The following CNKSR1 variants were observed in gnomAD, a reference collection of about 807,000 sequenced individuals.
CNKSR1 encodes the protein CNK homolog protein 1.
A neutral mutation model predicts 95.6 loss-of-function variants in CNKSR1; 88 were observed. The observed-to-expected ratio is 0.92, with a 90% CI of 0.78 to 1.10. The LOEUF (loss-of-function observed/expected upper bound fraction) is 1.10, where lower values mean the gene tolerates loss of function less well. Among genes scored for constraint, CNKSR1 ranks in the 50% least tolerant of loss-of-function variants. The pLI, the probability that CNKSR1 is intolerant of heterozygous loss-of-function variation, is 0.00. For synonymous variants in CNKSR1, 355 were observed against 369.7 expected (o/e 0.96, Z 0.46); for missense variants, 836 against 912.0 (o/e 0.92, Z 1.07).
chr1:26,188,196 T>C, intron 16 of CNKSR1, 38 bp from the exon 17 acceptor site: 2 of 1,587,738 alleles, frequency 1.3e-6, no homozygotes, highest in Admixed American at 1.7e-5. Context: ...AGGGCCCCAG[T>C]GGATGGAAAC....
chr1:26,183,970 C>A (rs545031351), intron 9 of CNKSR1, 101 bp from the exon 10 acceptor site: 23 of 663,736 alleles, frequency 3.5e-5, no homozygotes, highest in Non-Finnish European at 4.1e-5. Flanking sequence ...CCCTTCAGAC[C>A]CCCCCACAGG....
In CNKSR1 at chr1:26,183,806, C is replaced by T. The variant is rs2088688576; in HGVS notation, c.831C>T (p.Ile277=). Residue 277 remains isoleucine (I), a synonymous_variant, in exon 9 of 21, where the codon ATC becomes ATT. Transcript: ENST00000361530. ...GACTCAGCTTAGTGCTGAAGAAGAT[C>T]CCGATACCGGAGACCCCCCCACAGG... is the stretch of plus-strand genomic sequence containing the variant. ...PAGLSLVLKK[I]PIPETPPQTP... The T allele has an allele frequency of 6.2e-7, 1 of 1,612,118 alleles. No individual in the cohort carries two copies. Among genetic ancestry groups the T allele is most frequent in the Non-Finnish European group, 8.5e-7 (1 of 1,178,790 alleles).
In CNKSR1 at chr1:26,183,330, C is replaced by G. The variant is rs756889876; in HGVS notation, c.685-16C>G. On this transcript the variant is annotated splice_polypyrimidine_tract_variant and intron_variant, in intron 7 of 20. Transcript: ENST00000361530. Reference sequence around the variant, plus strand: ...CTGCAAGCCAGGCCAACCTCAGGCCCCATTCCCCACGTCAGGTTCCCACTG... The same window carrying G: ...CTGCAAGCCAGGCCAACCTCAGGCCGCATTCCCCACGTCAGGTTCCCACTG... 3 of 1,614,222 alleles carry G rather than the reference C, an allele frequency of 1.9e-6. No individual in the cohort carries two copies. The highest frequency in any genetic ancestry group is 2.5e-6 in the Non-Finnish European group (3 of 1,180,028).
chr1:26,184,096 C>T lies in CNKSR1; in HGVS notation c.881C>T (p.Pro294Leu), dbSNP rs773767026. Residue 294 changes from proline to leucine, a missense_variant, in exon 10 of 21, where the codon CCG becomes CTG. By Grantham distance (98) the Pro-to-Leu change is moderately conservative. Coordinates refer to ENST00000361530, the MANE Select transcript of CNKSR1 (RefSeq NM_006314.3). ...PQTPPQVLDS[P>L]HQRSPSLSLA... ...ACGCCCCCTCAGGTCCTGGACTCCC[C>T]GCACCAGAGGAGCCCATCACTGTCT... 85 of 1,611,864 alleles carry T rather than the reference C, an allele frequency of 5.3e-5. No individual in the cohort carries two copies. The highest frequency in any genetic ancestry group is 1.5e-4 in the Admixed American group (9 of 59,796).
At chr1:26,182,200 G>A in intron 4 of CNKSR1, 161 bp from the exon 5 acceptor site, 5 of 763,774 alleles carry the variant, frequency 6.5e-6, no homozygotes, top group South Asian at 5.1e-5. Context: ...AGGGAAACGA[G>A]CCCTCTGGTT....
intron 20 of CNKSR1, 105 bp from the exon 21 acceptor site, chr1:26,189,174 C>T (rs1227696264): frequency 6.9e-7 from 1 of 1,445,660 alleles, no homozygotes; most frequent in Non-Finnish European, 9.7e-7. Flanking sequence ...CCACGCTGGC[C>T]AGGTGCTGGC....
rs142576097 is a variant in CNKSR1, at chr1:26,188,915, C to T, written c.1834C>T (p.Arg612Ter). The T allele has an allele frequency of 1.4e-5, 23 of 1,613,856 alleles. No individual in the cohort carries two copies. Among genetic ancestry groups the T allele is most frequent in the East Asian group, 6.7e-5 (3 of 44,868 alleles). The change falls in exon 20 of 21, where the codon CGA (arginine) becomes TGA (stop). Residue 612 changes from arginine (R) to a stop codon, truncating the protein, a stop_gained. Coordinates refer to ENST00000361530, the MANE Select transcript of CNKSR1 (RefSeq NM_006314.3). LOFTEE classifies it low-confidence loss of function (END_TRUNC). ...CAACCGAGACCCTCAGCTCAATGAG[C>T]GAGTGCACCGTGTGCGGGCGCTACA... ...RRNRDPQLNE[R>*]VHRVRALQST...
At chr1:26,178,612 A>G (rs2088598818) in intron 1 of CNKSR1, among the ~76,000 whole-genome samples, 1 of 152,168 alleles carries the variant, frequency 6.6e-6, no homozygotes, top group Non-Finnish European at 1.5e-5. Context: ...CAGCCCGGGT[A>G]AGGGCAGGAA....
chr1:26,188,603 C>G lies in CNKSR1; in HGVS notation c.1596C>G (p.Ser532Arg), dbSNP rs543979254. The change falls in exon 19 of 21, where the codon AGC becomes AGG. Residue 532 changes from serine (S) to arginine (R), a missense_variant. Coordinates refer to ENST00000361530, the MANE Select transcript of CNKSR1 (RefSeq NM_006314.3). The stretch of plus-strand genomic sequence containing the variant: ...GCTTTCCACCCTGCCTGCAGCCCAG[C>G]CCTGCTCAAGCTGGGAGTCCCCTCC... Reference protein sequence around the residue: ...DEAGSHSASPSPAQAGSPLHG... With the variant: ...DEAGSHSASPRPAQAGSPLHG... 1.2e-6 allele frequency: 2 copies of G among 1,613,714 alleles called. No homozygotes were observed. Among genetic ancestry groups the G allele is most frequent in the African/African-American group, 2.7e-5 (2 of 75,036 alleles).
intron 14 of CNKSR1, 157 bp from the exon 15 acceptor site, chr1:26,187,011 C>A: frequency 1.5e-6 from 1 of 679,448 alleles, no homozygotes; most frequent in South Asian, 1.6e-5. Flanking sequence ...ACCCCAGATT[C>A]CAGCCCTGAG....
At chr1:26,177,954 G>A (rs946453203) in intron 1 of CNKSR1, among the ~76,000 whole-genome samples, 5 of 151,318 alleles carry the variant, frequency 3.3e-5, no homozygotes, top group African/African-American at 1.2e-4. Context: ...ACGACAGAGC[G>A]AGATTCAGCT....
At chr1:26,186,939 C>G in intron 14 of CNKSR1, 3 of 456,486 alleles carry the variant, frequency 6.6e-6, no homozygotes, top group Non-Finnish European at 1.2e-5. Flanking sequence ...GGCTGTTTCT[C>G]TGATATCTTT....
At chr1:26,184,912 T>C in intron 13 of CNKSR1, 102 bp from the exon 14 acceptor site, 1 of 1,214,558 alleles carries the variant, frequency 8.2e-7, no homozygotes. Flanking sequence ...AGAGTGTGGG[T>C]TCAGAGATCT....
Position 26,188,564 on chromosome 1 carries a change from CAG to C in CNKSR1, c.1591-32_1591-31del, listed in dbSNP as rs910699891. On this transcript the variant is annotated intron_variant, in intron 18 of 20. Transcript: ENST00000361530. ...TAAACAACAGGGCGTGGAGCTCAGA[CAG>C]AAACCCTCTGTGCTTTCCACCCTGC... is the stretch of plus-strand genomic sequence containing the variant. 6 of 1,612,450 alleles carry C rather than the reference CAG, an allele frequency of 3.7e-6. No individual in the cohort carries two copies. In the African/African-American group the frequency reaches 8.0e-5, roughly 22 times the overall value.
At chr1:26,177,825 G>A (rs543130967) in intron 1 of CNKSR1, among the ~76,000 whole-genome samples, 1 of 152,280 alleles carries the variant, frequency 6.6e-6, no homozygotes, top group South Asian at 2.1e-4. Flanking sequence ...AAATTATCTG[G>A]GGGTGGTGGC....
At chr1:26,187,090 C>T in intron 14 of CNKSR1, 78 bp from the exon 15 acceptor site, 1 of 1,097,784 alleles carries the variant, frequency 9.1e-7, no homozygotes, top group Non-Finnish European at 1.4e-6. Flanking sequence ...TCTCAGGAGC[C>T]CGAGGGGTAA....
intron 4 of CNKSR1, 106 bp from the exon 5 acceptor site, chr1:26,182,255 G>A: frequency 8.6e-7 from 1 of 1,165,992 alleles, no homozygotes; most frequent in East Asian, 2.4e-5. Context: ...CCAGTGTAGG[G>A]AAGGCAGGGA....
chr1:26,189,642 T>C lies in CNKSR1; in HGVS notation c.*94T>C, dbSNP rs2088829787. 1.2e-6 allele frequency: 1 copy of C among 805,212 alleles called. No individual in the cohort carries two copies. The highest frequency in any genetic ancestry group is 1.3e-5 in the South Asian group (1 of 75,068). The allele number at this position is 805,212 out of a possible 1,614,324, so 49.9% of individuals were successfully genotyped here. The stretch of plus-strand genomic sequence containing the variant: ...CAGGACAGAGCATCCCTGGATTCTG[T>C]TCAGGGTGGGAAGTAGTACTGCTAG... On this transcript the variant is annotated 3_prime_UTR_variant, in exon 21 of 21. Transcript: ENST00000361530.
intron 2 of CNKSR1, 29 bp from the exon 3 acceptor site, chr1:26,180,686 G>A: frequency 6.2e-7 from 1 of 1,614,034 alleles, no homozygotes; most frequent in Non-Finnish European, 8.5e-7. Flanking sequence ...CTGCTGCCAG[G>A]GAGGTGACTT....
Sources: allele counts gnomAD v4.1 joint callset (sites outside exome capture counted in the v4.1 genomes callset), GRCh38; gene constraint gnomAD v4.1.1; transcripts MANE v1.5; gene names NCBI Gene and HGNC (gene_info 2026-07-23, HGNC 2026-07-21).